The following RPIA variants were observed in gnomAD, a reference collection of about 807,000 sequenced individuals.
RPIA encodes ribose 5-phosphate isomerase A.
In RPIA, 29 loss-of-function variants were observed where a neutral mutation model predicts 37.8. The ratio of observed to expected loss-of-function variants is 0.77; its 90% confidence interval spans 0.57 to 1.05. RPIA has a LOEUF of 1.05. Ranked by LOEUF, RPIA falls within the 50% of genes least tolerant of loss-of-function variation. RPIA has a pLI of 0.00. For synonymous variants in RPIA, 167 were observed against 157.0 expected (o/e 1.06, Z -0.48); for missense variants, 385 against 413.6 (o/e 0.93, Z 0.60).
At chr2:88,715,991 A>G (rs1673030781) in intron 3 of RPIA, among the ~76,000 whole-genome samples, 1 of 152,154 alleles carries the variant, frequency 6.6e-6, no homozygotes, top group African/African-American at 2.4e-5. Flanking sequence ...AGAGCTACAA[A>G]ATTAAAAAGC....
chr2:88,733,168 G>A (rs1673267815), intron 4 of RPIA, among the ~76,000 whole-genome samples: 3 of 152,208 alleles, frequency 2.0e-5, no homozygotes, highest in Admixed American at 2.0e-4. Context: ...ATTCCAGAGA[G>A]TGGTAGACGG....
chr2:88,747,188 A>G (rs1390230253), intron 8 of RPIA, among the ~76,000 whole-genome samples: 1 of 152,010 alleles, frequency 6.6e-6, no homozygotes, highest in Non-Finnish European at 1.5e-5. Context: ...CAGGGGGATT[A>G]TGGCTGCCTC....
intron 3 of RPIA, among the ~76,000 whole-genome samples, chr2:88,722,832 A>C (rs1673150778): frequency 1.3e-5 from 2 of 152,180 alleles, no homozygotes; most frequent in Admixed American, 6.5e-5. Context: ...CTTTGTTCTG[A>C]ATTCTTTAAA....
chr2:88,716,909 A>G (rs1306706576), intron 3 of RPIA, among the ~76,000 whole-genome samples: 1 of 152,192 alleles, frequency 6.6e-6, no homozygotes, highest in Non-Finnish European at 1.5e-5. Context: ...GATCAGAGGA[A>G]ACTCTCCATT....
At chr2:88,725,766 G>A (rs148152058) in intron 3 of RPIA, among the ~76,000 whole-genome samples, 1,523 of 152,280 alleles carry the variant, frequency 0.01, 15 homozygotes, top group Middle Eastern at 0.02. Flanking sequence ...CTAACATTCA[G>A]GAAGGATGAG....
Position 88,699,989 on chromosome 2 carries a change from T to C in RPIA, c.347-20T>C, listed in dbSNP as rs1456516600. The C allele has an allele frequency of 3.7e-6, 6 of 1,613,828 alleles. No homozygotes were observed. The highest frequency in any genetic ancestry group is 1.7e-5 in the Admixed American group (1 of 60,006). On this transcript the variant is annotated intron_variant, in intron 2 of 8. Transcript: ENST00000283646. ...AGTAAGGAGAGTGAAAAACTGCCAA[T>C]ATGGCTTTTGTTTCCACAGCTGAAA... is the stretch of plus-strand genomic sequence containing the variant.
At chr2:88,710,939 C>T (rs892347970) in intron 3 of RPIA, among the ~76,000 whole-genome samples, 16 of 152,202 alleles carry the variant, frequency 1.1e-4, no homozygotes, top group Non-Finnish European at 4.4e-5. Flanking sequence ...AGGAGAAACT[C>T]GCCTGCTGAA....
intron 3 of RPIA, among the ~76,000 whole-genome samples, chr2:88,726,926 A>T (rs1673204028): frequency 6.6e-6 from 1 of 152,058 alleles, no homozygotes; most frequent in Non-Finnish European, 1.5e-5. Flanking sequence ...TTTAGTAGAG[A>T]TGGGGTTTCA....
At chr2:88,715,577 T>TCAG (rs1271374489) in intron 3 of RPIA, among the ~76,000 whole-genome samples, 8 of 152,350 alleles carry the variant, frequency 5.3e-5, no homozygotes, top group African/African-American at 1.9e-4. Context: ...GCCTGATTAA[T>TCAG]GCTTAATTAT....
rs763871321 is a variant in RPIA, at chr2:88,735,690, G to A, written c.549G>A (p.Lys183=). ...KGGGGCLTQE[K]IVAGYASRFI... is the part of the protein sequence containing the mutation. ...GCAGAGGCTGCCTGACCCAGGAGAA[G>A]ATTGTGGCTGGCTATGCTAGTCGCT... The change falls in exon 6 of 9, where the codon AAG becomes AAA. Residue 183 remains lysine, a synonymous_variant. Coordinates refer to ENST00000283646, the MANE Select transcript of RPIA (RefSeq NM_144563.3). 2.5e-6 allele frequency: 4 copies of A among 1,614,052 alleles called. No individual in the cohort carries two copies. The highest frequency in any genetic ancestry group is 3.4e-6 in the Non-Finnish European group (4 of 1,180,028).
chr2:88,729,382 CT>C, intron 4 of RPIA, 45 bp downstream of exon 4: 1 of 1,559,496 alleles, frequency 6.4e-7, no homozygotes, highest in Non-Finnish European at 8.8e-7. Context: ...TTTCTTTCCG[CT>C]TTTTTATGGC....
intron 8 of RPIA, among the ~76,000 whole-genome samples, chr2:88,739,002 A>G (rs942228669): frequency 2.0e-5 from 3 of 152,084 alleles, no homozygotes; most frequent in African/African-American, 7.2e-5. Flanking sequence ...TGTGCCAGGG[A>G]ATGATGGAAT....
At chr2:88,705,543 A>C (rs1359069465) in intron 3 of RPIA, among the ~76,000 whole-genome samples, 2 of 152,240 alleles carry the variant, frequency 1.3e-5, no homozygotes, top group Non-Finnish European at 2.9e-5. Context: ...CTTACAACTT[A>C]TATGAAAATT....
At chr2:88,738,814 C>T (rs759484861) in intron 8 of RPIA, among the ~76,000 whole-genome samples, 11 of 152,118 alleles carry the variant, frequency 7.2e-5, no homozygotes, top group Admixed American at 3.3e-4. Context: ...GAGGTAGTTA[C>T]AGAGGAGGGC....
At chr2:88,704,441 A>C (rs1672874304) in intron 3 of RPIA, among the ~76,000 whole-genome samples, 1 of 152,216 alleles carries the variant, frequency 6.6e-6, no homozygotes, top group Non-Finnish European at 1.5e-5. Context: ...AAGAAGATGC[A>C]AAAGCAGAAA....
chr2:88,692,188 G>T (rs1676945454), intron 1 of RPIA, among the ~76,000 whole-genome samples: 1 of 152,194 alleles, frequency 6.6e-6, no homozygotes, highest in South Asian at 2.1e-4. Context: ...GGTTGGGGGC[G>T]AATCTTCTAA....
intron 1 of RPIA, 42 bp downstream of exon 1, chr2:88,692,025 G>T (rs760302119): frequency 1.3e-6 from 2 of 1,543,234 alleles, no homozygotes; most frequent in Admixed American, 1.9e-5. Context: ...CATGTCCTTG[G>T]CGTGATGGGC....
At chr2:88,714,749 C>G (rs1277717848) in intron 3 of RPIA, among the ~76,000 whole-genome samples, 2 of 152,196 alleles carry the variant, frequency 1.3e-5, no homozygotes, top group Non-Finnish European at 2.9e-5. Context: ...GTTTTCAACA[C>G]AATACCTGTG....
intron 3 of RPIA, among the ~76,000 whole-genome samples, chr2:88,718,729 A>G (rs1257549939): frequency 6.6e-6 from 1 of 152,208 alleles, no homozygotes; most frequent in Admixed American, 6.5e-5. Flanking sequence ...ACAGATTCTT[A>G]TTGCACTTAT....
Sources: gnomAD v4.1 joint callset for allele counts (sites outside exome capture counted in the v4.1 genomes callset) on GRCh38, gnomAD v4.1.1 for gene constraint, MANE v1.5 for transcripts, NCBI Gene and HGNC (gene_info 2026-07-23, HGNC 2026-07-21) for gene names.